Variants in ZNF419 observed in about 807,000 individuals in gnomAD.
ZNF419 encodes the protein zinc finger protein 419A.
A neutral mutation model predicts 14.9 loss-of-function variants in ZNF419; 8 were observed. The observed-to-expected ratio is 0.54, with a 90% CI of 0.32 to 0.97. ZNF419 has a LOEUF of 0.97. Ranked by LOEUF, ZNF419 falls within the 50% of genes least tolerant of loss-of-function variation. The pLI is 0.04. For synonymous variants in ZNF419, 211 were observed against 205.3 expected (o/e 1.03, Z -0.24); for missense variants, 595 against 607.2 (o/e 0.98, Z 0.21).
chr19:57,489,141 A>G (rs1425310298), intron 1 of ZNF419: 2 of 152,270 alleles, frequency 1.3e-5, no homozygotes, highest in African/African-American at 2.4e-5. Context: ...CTGCTCCAGT[A>G]GAAGGGCTCT....
rs1437046763 is a variant in ZNF419 at position 57,493,002 on chromosome 19, A to C, written c.445A>C (p.Ser149Arg). The C allele has an allele frequency of 6.2e-7, 1 of 1,614,178 alleles. No individual in the cohort carries two copies. Among genetic ancestry groups the C allele is most frequent in the Admixed American group, 1.7e-5 (1 of 60,020 alleles). The change falls in exon 5 of 5, where the codon AGT (serine) becomes CGT (arginine). Residue 149 changes from serine to arginine, a missense_variant. Transcript: ENST00000221735. ...RQEGRVPVLR[S>R]CKVHLSEKSL... ...AGAGGGCAGGGTCCCAGTTTTGAGGAGTTGCAAAGTTCACCTATCAGAGAA... is the reference window on the plus strand; with the variant it reads ...AGAGGGCAGGGTCCCAGTTTTGAGGCGTTGCAAAGTTCACCTATCAGAGAA...
At chr19:57,489,766 A>G (rs558884635) in intron 1 of ZNF419, 67 of 185,948 alleles carry the variant, frequency 3.6e-4, no homozygotes, top group African/African-American at 1.6e-3. Flanking sequence ...TTGGGATTAC[A>G]GGTGTGAGCC....
intron 4 of ZNF419, chr19:57,492,505 C>T (rs2074074): frequency 0.7 from 534,693 of 762,610 alleles, 188,361 homozygotes; most frequent in South Asian, 0.79. Context: ...TATTTGGTTG[C>T]AGTTGGTTTT....
Position 57,487,774 on chromosome 19 carries a change from G to T in ZNF419, c.-177G>T. On this transcript the variant is annotated 5_prime_UTR_variant, in exon 1 of 5. Coordinates refer to ENST00000221735, the MANE Select transcript of ZNF419 (RefSeq NM_024691.4). Reference sequence around the variant, plus strand: ...TGGTATTCACTTTCGCGACTCAGGTGAACTAACCTGCGAGAAGCTGGTTGT... The same window carrying T: ...TGGTATTCACTTTCGCGACTCAGGTTAACTAACCTGCGAGAAGCTGGTTGT... The T allele has an allele frequency of 1.2e-6, 1 of 841,172 alleles. No homozygotes were observed. Among genetic ancestry groups the T allele is most frequent in the South Asian group, 1.6e-5 (1 of 62,380 alleles). The allele number at this position is 841,172 out of a possible 1,614,324, so 52.1% of individuals were successfully genotyped here.
At position 57,494,992 on chromosome 19, in the gene ZNF419, A is replaced by G. The variant is rs2089591536; in HGVS notation, c.*902A>G. 6.6e-6 allele frequency: 1 copy of G among 152,642 alleles called. No homozygotes were observed. The allele number at this position is 152,642 out of a possible 1,614,324, so 9.5% of individuals were successfully genotyped here. ...TTTTTCCGATGACTCAGTTTTGAGCATTTTTTAATGTGTTTACTTGTCACC... is the reference window on the plus strand; with the variant it reads ...TTTTTCCGATGACTCAGTTTTGAGCGTTTTTTAATGTGTTTACTTGTCACC... On this transcript the variant is annotated 3_prime_UTR_variant, in exon 5 of 5. Transcript: ENST00000221735.
Position 57,494,354 on chromosome 19 carries a change from C to T in ZNF419, c.*264C>T, listed in dbSNP as rs1354504357. On this transcript the variant is annotated 3_prime_UTR_variant, in exon 5 of 5. Transcript: ENST00000221735. The stretch of plus-strand genomic sequence containing the variant: ...TGTACTGTCTCTGAATCAATATGAC[C>T]TCACTTAAAACAGAAACTCTGAGGA... 6 of 422,146 alleles carry T rather than the reference C, an allele frequency of 1.4e-5. No homozygotes were observed. The highest frequency in any genetic ancestry group is 1.3e-4 in the South Asian group (2 of 14,876). 26.2% of individuals were successfully genotyped at this position (422,146 alleles called of 1,614,324 possible). A position where few individuals can be genotyped will look rare whatever the true frequency, so the allele number is the denominator to read the frequency against.
rs1250722414 is a variant in ZNF419 at position 57,495,075 on chromosome 19, T to C, written c.*985T>C. The C allele has an allele frequency of 6.6e-6, 1 of 152,280 alleles. No homozygotes were observed. Among genetic ancestry groups the C allele is most frequent in the African/African-American group, 2.4e-5 (1 of 41,482 alleles). The allele number at this position is 152,280 out of a possible 1,614,324, so 9.4% of individuals were successfully genotyped here. On this transcript the variant is annotated 3_prime_UTR_variant, in exon 5 of 5. Coordinates refer to ENST00000221735, the MANE Select transcript of ZNF419 (RefSeq NM_024691.4). ...CCTGTTTTTTAAAACATTTGGTTGG[T>C]TACAAGTTCTTAATATTTCTGGAGA...
intron 2 of ZNF419, 101 bp from the exon 3 acceptor site, chr19:57,491,370 G>A (rs890434190): frequency 1.3e-6 from 2 of 1,546,946 alleles, no homozygotes; most frequent in African/African-American, 2.7e-5. Context: ...CTCTGAGATG[G>A]GGATTAAGGA....
chr19:57,492,102 G>A lies in ZNF419; in HGVS notation c.200-11G>A, dbSNP rs561687839. Reference sequence around the variant, plus strand: ...GGCTCAGTGCTGCCACTCACCTGTCGTTTTCCTTAGGACTTGCATCTTCCA... The same window carrying A: ...GGCTCAGTGCTGCCACTCACCTGTCATTTTCCTTAGGACTTGCATCTTCCA... On this transcript the variant is annotated splice_polypyrimidine_tract_variant and intron_variant, in intron 3 of 4. Transcript: ENST00000221735. The A allele has an allele frequency of 1.6e-5, 25 of 1,607,410 alleles. No individual in the cohort carries two copies. The highest frequency in any genetic ancestry group is 8.4e-5 in the Admixed American group (5 of 59,716).
In ZNF419 at chr19:57,493,197, C is replaced by T. The variant is rs1020222240; in HGVS notation, c.640C>T (p.Gln214Ter). Reference protein sequence around the residue: ...KCSECGKAFGQKYLLVQHQRL... With the variant: ...KCSECGKAFG The stretch of plus-strand genomic sequence containing the variant: ...CAGTGAATGTGGGAAAGCCTTTGGT[C>T]AGAAATATTTACTTGTTCAGCACCA... The change falls in exon 5 of 5, where the codon CAG (glutamine) becomes TAG (stop). Residue 214 changes from glutamine (Q) to a stop codon, truncating the protein, a stop_gained. Transcript: ENST00000221735. LOFTEE classifies it low-confidence loss of function (END_TRUNC). 2.6e-5 allele frequency: 42 copies of T among 1,614,014 alleles called. No individual in the cohort carries two copies. The highest frequency in any genetic ancestry group is 3.5e-5 in the Non-Finnish European group (41 of 1,180,026).
rs545017799 is a variant in ZNF419 at position 57,494,146 on chromosome 19, A to G, written c.*56A>G. ...CCTCATTCAACACCAGAAAGTTCAC[A>G]GTGGAAAAAATCTTGAAGGTAACAG... is the stretch of plus-strand genomic sequence containing the variant. On this transcript the variant is annotated 3_prime_UTR_variant, in exon 5 of 5. Coordinates refer to ENST00000221735, the MANE Select transcript of ZNF419 (RefSeq NM_024691.4). 6.5e-7 allele frequency: 1 copy of G among 1,537,042 alleles called. No individual in the cohort carries two copies. Among genetic ancestry groups the G allele is most frequent in the South Asian group, 1.3e-5 (1 of 76,262 alleles).
rs527891060 is a variant in ZNF419, at chr19:57,491,603, G to A, written c.199+6G>A. On this transcript the variant is annotated splice_donor_region_variant and intron_variant, in intron 3 of 4. Coordinates refer to ENST00000221735, the MANE Select transcript of ZNF419 (RefSeq NM_024691.4). ...TACACTTCTGGCCTCTCTGGGTAAG[G>A]TTCTCACACCCCACCCCAGCATCCT... 3.7e-6 allele frequency: 6 copies of A among 1,614,116 alleles called. No individual in the cohort carries two copies. The Admixed American group carries it at 6.7e-5, about 18-fold the overall frequency.
Position 57,490,126 on chromosome 19 carries a change from C to A in ZNF419, c.34-21C>A. The stretch of plus-strand genomic sequence containing the variant: ...TTTGGCAACATCACTGTCTGGTTCT[C>A]ATAGTCTTGATTTTCCATAGGTTCC... On this transcript the variant is annotated intron_variant, in intron 1 of 4. Coordinates refer to ENST00000221735, the MANE Select transcript of ZNF419 (RefSeq NM_024691.4). 3 of 1,612,554 alleles carry A rather than the reference C, an allele frequency of 1.9e-6. No homozygotes were observed. The South Asian group carries it at 3.3e-5, about 18-fold the overall frequency.
rs1005612062 is a variant in ZNF419, at chr19:57,494,803, A to G, written c.*713A>G. ...TGTTTCAAATTTTAAGAACTTGCCA[A>G]ATTGTGTTCTAAATGGTTAGCATTT... On this transcript the variant is annotated 3_prime_UTR_variant, in exon 5 of 5. Coordinates refer to ENST00000221735, the MANE Select transcript of ZNF419 (RefSeq NM_024691.4). The G allele has an allele frequency of 2.9e-5, 5 of 171,870 alleles. No homozygotes were observed. The highest frequency in any genetic ancestry group is 1.9e-4 in the Admixed American group (3 of 15,716). The allele number at this position is 171,870 out of a possible 1,614,324, so 10.6% of individuals were successfully genotyped here.
rs533127141 is a variant in ZNF419, at chr19:57,494,245, A to G, written c.*155A>G. Reference sequence around the variant, plus strand: ...TTACAATGTGGACAATGTAGTGAATATGGAAAAAGGTTTCAGCCAAAGGCC... The same window carrying G: ...TTACAATGTGGACAATGTAGTGAATGTGGAAAAAGGTTTCAGCCAAAGGCC... On this transcript the variant is annotated 3_prime_UTR_variant, in exon 5 of 5. Coordinates refer to ENST00000221735, the MANE Select transcript of ZNF419 (RefSeq NM_024691.4). The G allele has an allele frequency of 1.6e-4, 200 of 1,228,814 alleles. No homozygotes were observed. Among genetic ancestry groups the G allele is most frequent in the Non-Finnish European group, 2.1e-4 (193 of 905,738 alleles). 76.1% of individuals were successfully genotyped at this position (1,228,814 alleles called of 1,614,324 possible). A position where few individuals can be genotyped will look rare whatever the true frequency, so the allele number is the denominator to read the frequency against.
chr19:57,492,822 T>C (rs759084507), intron 4 of ZNF419, 34 bp from the exon 5 acceptor site: 21 of 1,613,438 alleles, frequency 1.3e-5, no homozygotes, highest in Non-Finnish European at 1.8e-5. Context: ...CACCAAAGTC[T>C]ACATTTACTT....
In ZNF419 at chr19:57,493,457, C is replaced by T. The variant is rs1416403696; in HGVS notation, c.900C>T (p.Ser300=). The change falls in exon 5 of 5, where the codon TCC becomes TCT. Residue 300 remains serine, a synonymous_variant. Transcript: ENST00000221735. The stretch of plus-strand genomic sequence containing the variant: ...GTGGAAAAGCTTTCAGGCATAATTC[C>T]ACACTTGTTCAGCATCACAAAATCC... ...SECGKAFRHN[S]TLVQHHKIHT... 1 of 1,613,944 alleles carries T rather than the reference C, an allele frequency of 6.2e-7. No individual in the cohort carries two copies. The highest frequency in any genetic ancestry group is 8.5e-7 in the Non-Finnish European group (1 of 1,180,000).
At chr19:57,490,946 G>C (rs1281077845) in intron 2 of ZNF419, 1 of 162,970 alleles carries the variant, frequency 6.1e-6, no homozygotes, top group South Asian at 1.6e-4. Flanking sequence ...CTGAGGATTG[G>C]CCCTGGCAGT....
chr19:57,491,360 C>T (rs1282310918), intron 2 of ZNF419, 111 bp from the exon 3 acceptor site: 54 of 1,530,240 alleles, frequency 3.5e-5, no homozygotes, highest in East Asian at 1.1e-4. Context: ...AGGGTCTCTC[C>T]TCTGAGATGG....
Sources: allele counts gnomAD v4.1 joint callset, GRCh38; gene constraint gnomAD v4.1.1; transcripts MANE v1.5; gene names NCBI Gene and HGNC (gene_info 2026-07-23, HGNC 2026-07-21).